CABLES1: variants seen among roughly 807,000 people sequenced by gnomAD.
The protein encoded by CABLES1 is Cdk5 and Abl enzyme substrate 1, also known as CDK5 and ABL1 enzyme substrate 1.
CABLES1 carries 36 observed loss-of-function variants against 57.8 expected under a neutral mutation model. That is an observed-to-expected ratio of 0.62 (90% CI 0.48 to 0.82). The LOEUF (loss-of-function observed/expected upper bound fraction) is 0.82, where lower values mean the gene tolerates loss of function less well. CABLES1 is among the 40% of genes least tolerant of loss of function. The pLI, the probability that CABLES1 is intolerant of heterozygous loss-of-function variation, is 0.00. For synonymous variants in CABLES1, 374 were observed against 363.0 expected (o/e 1.03, Z -0.35); for missense variants, 767 against 836.6 (o/e 0.92, Z 1.03).
chr18:23,186,336 G>A (rs987295694), intron 1 of CABLES1, among the ~76,000 whole-genome samples: 1 of 152,134 alleles, frequency 6.6e-6, no homozygotes, highest in Non-Finnish European at 1.5e-5. Flanking sequence ...CTTCACATGT[G>A]TCCCTTTCTC....
At chr18:23,181,265 G>A (rs1010129486) in intron 1 of CABLES1, among the ~76,000 whole-genome samples, 2 of 152,118 alleles carry the variant, frequency 1.3e-5, no homozygotes, top group Admixed American at 6.5e-5. Context: ...AGGCCTCGGC[G>A]GGTGGATCAC....
At chr18:23,213,090 G>A (rs148304082) in intron 3 of CABLES1, among the ~76,000 whole-genome samples, 15 of 152,270 alleles carry the variant, frequency 9.9e-5, no homozygotes, top group African/African-American at 1.4e-4. Flanking sequence ...ATCCCAGGAC[G>A]ATTTAATTTC....
chr18:23,206,753 C>G (rs1225333740), intron 3 of CABLES1, among the ~76,000 whole-genome samples: 1 of 151,898 alleles, frequency 6.6e-6, no homozygotes, highest in Non-Finnish European at 1.5e-5. Context: ...TTTAAAGCAT[C>G]CAGTATTAAA....
chr18:23,176,343 C>T (rs1337760561), intron 1 of CABLES1, among the ~76,000 whole-genome samples: 5 of 152,202 alleles, frequency 3.3e-5, no homozygotes, highest in East Asian at 3.9e-4. Context: ...ATAGGCTTGG[C>T]GCTCCTGTGA....
At position 23,237,242 on chromosome 18, in the gene CABLES1, C is replaced by T. The variant is rs45518733; in HGVS notation, c.1443C>T (p.Tyr481=). The change falls in exon 7 of 10, where the codon TAC becomes TAT. Residue 481 remains tyrosine (Y), a synonymous_variant. Transcript: ENST00000256925. ...KHKRVLIFPS[Y]MTTVIDYVKP... ...AACGCGTTCTGATCTTCCCTTCCTA[C>T]ATGGTGAGTAGCGTGGAATGGAGGC... 6.2e-3 allele frequency: 9,964 copies of T among 1,600,648 alleles called. 37 individuals carry two copies. Among genetic ancestry groups the T allele is most frequent in the Non-Finnish European group, 7.6e-3 (8,897 of 1,167,684 alleles).
At chr18:23,239,961 T>TA (rs545387287) in intron 7 of CABLES1, among the ~76,000 whole-genome samples, 2 of 151,916 alleles carry the variant, frequency 1.3e-5, no homozygotes, top group Admixed American at 6.6e-5. Flanking sequence ...CTACTAAAAA[T>TA]AAAAAAATTA....
intron 1 of CABLES1, among the ~76,000 whole-genome samples, chr18:23,150,793 G>A (rs1192732918): frequency 1.3e-5 from 2 of 152,040 alleles, no homozygotes; most frequent in Non-Finnish European, 2.9e-5. Flanking sequence ...GTTCACCACC[G>A]AGAGATGGGA....
intron 3 of CABLES1, among the ~76,000 whole-genome samples, chr18:23,205,937 G>GC (rs2145042352): frequency 6.6e-6 from 1 of 152,250 alleles, no homozygotes; most frequent in South Asian, 2.1e-4. Flanking sequence ...GCTGTCACAA[G>GC]CCATGGAGCC....
At chr18:23,193,638 T>C (rs1435402643) in intron 2 of CABLES1, among the ~76,000 whole-genome samples, 1 of 152,172 alleles carries the variant, frequency 6.6e-6, no homozygotes, top group Non-Finnish European at 1.5e-5. Flanking sequence ...TAGAATAAAC[T>C]GAGACTCTTG....
At chr18:23,170,300 C>T (rs745953838) in intron 1 of CABLES1, among the ~76,000 whole-genome samples, 3 of 152,154 alleles carry the variant, frequency 2.0e-5, no homozygotes, top group Non-Finnish European at 4.4e-5. Flanking sequence ...GTAACAAGGG[C>T]CTGCCTGTTT....
chr18:23,135,852 G>A lies in CABLES1; in HGVS notation c.90G>A (p.Gln30=), dbSNP rs1222915235. 1.1e-4 allele frequency: 104 copies of A among 989,792 alleles called. No homozygotes were observed. Among genetic ancestry groups the A allele is most frequent in the Non-Finnish European group, 1.2e-4 (101 of 830,530 alleles). The allele number at this position is 989,792 out of a possible 1,614,324, so 61.3% of individuals were successfully genotyped here. The part of the protein sequence containing the change: ...TDAAGASGLQ[Q]PPPQPQPQPA... The stretch of plus-strand genomic sequence containing the variant: ...CCGCGGGCGCCAGCGGATTGCAGCA[G>A]CCGCCGCCGCAGCCCCAGCCTCAGC... The change falls in exon 1 of 10, where the codon CAG becomes CAA. Residue 30 remains glutamine (Q), a synonymous_variant. Transcript: ENST00000256925.
chr18:23,237,149 C>T lies in CABLES1; in HGVS notation c.1350C>T (p.Asp450=), dbSNP rs202142583. 53 of 1,606,768 alleles carry T rather than the reference C, an allele frequency of 3.3e-5. 1 individual carries two copies. The highest frequency in any genetic ancestry group is 5.1e-6 in the Non-Finnish European group (6 of 1,173,276). ...GTQGSLDTGS[D]LGDFMDYDPN... The stretch of plus-strand genomic sequence containing the variant: ...TTTGCATGTGATCTTCAGGTAGTGA[C>T]CTGGGAGACTTTATGGACTATGACC... Residue 450 remains aspartate, a synonymous_variant, in exon 7 of 10, where the codon GAC becomes GAT. Transcript: ENST00000256925.
intron 4 of CABLES1, among the ~76,000 whole-genome samples, chr18:23,215,547 TC>T: frequency 6.6e-6 from 1 of 152,266 alleles, no homozygotes; most frequent in Non-Finnish European, 1.5e-5. Context: ...CAGCCTCGTT[TC>T]TCTGGGTTTC....
At chr18:23,174,195 G>C (rs2047103920) in intron 1 of CABLES1, among the ~76,000 whole-genome samples, 1 of 152,088 alleles carries the variant, frequency 6.6e-6, no homozygotes, top group Admixed American at 6.5e-5. Flanking sequence ...TTTCATATAA[G>C]TAGAATCATA....
chr18:23,162,287 G>A (rs1313948368), intron 1 of CABLES1, among the ~76,000 whole-genome samples: 3 of 152,234 alleles, frequency 2.0e-5, no homozygotes, highest in Non-Finnish European at 2.9e-5. Flanking sequence ...TTGTTCGTAA[G>A]AAAGTTTTTC....
intron 4 of CABLES1, among the ~76,000 whole-genome samples, chr18:23,223,308 G>A (rs1037666687): frequency 7.9e-5 from 12 of 152,024 alleles, no homozygotes; most frequent in South Asian, 2.1e-4. Context: ...GGTTGGGTGC[G>A]GTGGCTCACA....
chr18:23,250,930 G>A (rs533709444), intron 7 of CABLES1, among the ~76,000 whole-genome samples: 2 of 152,346 alleles, frequency 1.3e-5, no homozygotes, highest in East Asian at 1.9e-4. Context: ...GAACGGGGAT[G>A]TGCTGGCTGC....
At chr18:23,243,647 T>TG (rs1467796588) in intron 7 of CABLES1, among the ~76,000 whole-genome samples, 3 of 151,240 alleles carry the variant, frequency 2.0e-5, no homozygotes, top group African/African-American at 7.3e-5. Flanking sequence ...CCAAGGCGGG[T>TG]GGATCACCTG....
rs887847402 is a variant in CABLES1 at position 23,213,804 on chromosome 18, C to T, written c.1011-173C>T. ...GAGGAGAGGCAGCCCACTTCTGCCA[C>T]GCTGGGGTTGCATTTTGCAAGGAGA... is the stretch of plus-strand genomic sequence containing the variant. On this transcript the variant is annotated intron_variant, in intron 3 of 9. Transcript: ENST00000256925. 4.6e-5 allele frequency among the ~76,000 whole-genome samples: 7 copies of T among 152,328 alleles called. No individual in the cohort carries two copies. In the East Asian group the frequency reaches 7.7e-4, roughly 17 times the overall value.
Sources: gnomAD v4.1 joint callset for allele counts (sites outside exome capture counted in the v4.1 genomes callset) on GRCh38, gnomAD v4.1.1 for gene constraint, MANE v1.5 for transcripts, NCBI Gene and HGNC (gene_info 2026-07-23, HGNC 2026-07-21) for gene names.